The following PRIM2 variants were observed in gnomAD, a reference collection of about 807,000 sequenced individuals.
The protein encoded by PRIM2 is DNA primase subunit 2, also known as DNA primase large subunit.
Under a neutral mutation model 67.3 loss-of-function variants are expected in PRIM2, and 39 were observed. The ratio of observed to expected loss-of-function variants is 0.58; its 90% confidence interval spans 0.45 to 0.76. PRIM2 has a LOEUF of 0.76. PRIM2 is among the 30% of genes least tolerant of loss of function. The pLI is 0.00. For synonymous variants in PRIM2, 143 were observed against 198.7 expected (o/e 0.72, Z 2.36); for missense variants, 398 against 598.7 (o/e 0.66, Z 3.50).
chr6:57,406,125 T>C lies in PRIM2; in HGVS notation c.693+23957T>C, dbSNP rs112011157. ...CTGAGCTGGATTTTGCAAGGCTCTC[T>C]CTTAGATGTAAGCATTCCCTTGACC... On this transcript the variant is annotated intron_variant, in intron 7 of 13. Transcript: ENST00000615550. Among the ~76,000 whole-genome samples the C allele has an allele frequency of 9.7e-3, 1,472 of 152,316 alleles. 21 individuals carry two copies. The highest frequency in any genetic ancestry group is 0.034 in the African/African-American group (1,413 of 41,566).
the PRIM2 span, among the ~76,000 whole-genome samples, chr6:57,288,399 G>T: frequency 6.6e-6 from 1 of 152,180 alleles, no homozygotes; most frequent in Admixed American, 6.5e-5. Context: ...GACAGCTTCC[G>T]AAGACCTAAA....
At chr6:57,332,970 T>C (rs1431030087) in intron 5 of PRIM2, among the ~76,000 whole-genome samples, 1 of 152,174 alleles carries the variant, frequency 6.6e-6, no homozygotes, top group African/African-American at 2.4e-5. Flanking sequence ...CTTCTTTGTA[T>C]TAAAATGGTA....
chr6:57,358,085 C>A (rs1181733225), intron 5 of PRIM2, among the ~76,000 whole-genome samples: 2 of 152,102 alleles, frequency 1.3e-5, no homozygotes, highest in African/African-American at 2.4e-5. Flanking sequence ...ACAGTTGTTC[C>A]CCAGAAGATA....
chr6:57,624,129 C>T (rs1287107674), intron 12 of PRIM2, among the ~76,000 whole-genome samples: 1 of 152,064 alleles, frequency 6.6e-6, no homozygotes, highest in Non-Finnish European at 1.5e-5. Context: ...ATAGAATACT[C>T]AAAGCACAGT....
At chr6:57,552,164 A>G (rs1232119341) in intron 10 of PRIM2, among the ~76,000 whole-genome samples, 10 of 152,230 alleles carry the variant, frequency 6.6e-5, no homozygotes, top group Non-Finnish European at 1.2e-4. Flanking sequence ...GCTGAGGCCA[A>G]CTCCCATTGG....
chr6:57,317,210 G>T (rs1283788530), upstream of PRIM2, among the ~76,000 whole-genome samples: 1 of 152,122 alleles, frequency 6.6e-6, no homozygotes, highest in Non-Finnish European at 1.5e-5. Flanking sequence ...GTGCAAAAAA[G>T]ATCCTAATGC....
the PRIM2 span, among the ~76,000 whole-genome samples, chr6:57,274,750 T>A: frequency 6.6e-6 from 1 of 152,096 alleles, no homozygotes; most frequent in African/African-American, 2.4e-5. Flanking sequence ...GACTGGAGCT[T>A]TTCCTATTCA....
intron 7 of PRIM2, among the ~76,000 whole-genome samples, chr6:57,480,044 T>C (rs1229060189): frequency 1.3e-5 from 2 of 152,104 alleles, no homozygotes; most frequent in Non-Finnish European, 2.9e-5. Flanking sequence ...GGATGGAGTA[T>C]AAAGAGGTAG....
intron 10 of PRIM2, among the ~76,000 whole-genome samples, chr6:57,556,386 A>G (rs1241168794): frequency 6.6e-6 from 1 of 152,190 alleles, no homozygotes; most frequent in East Asian, 1.9e-4. Context: ...TCTGACTTCA[A>G]ACTATACTAC....
chr6:57,570,276 T>C (rs2127481211), intron 10 of PRIM2, among the ~76,000 whole-genome samples: 1 of 152,306 alleles, frequency 6.6e-6, no homozygotes, highest in East Asian at 1.9e-4. Context: ...TTTATATAGG[T>C]CTATAATGAA....
At chr6:57,495,045 TAATC>T (rs1300142229) in intron 7 of PRIM2, among the ~76,000 whole-genome samples, 5 of 152,300 alleles carry the variant, frequency 3.3e-5, no homozygotes, top group African/African-American at 7.2e-5. Context: ...GTTTTATAAT[TAATC>T]ACAAGGCTCT....
chr6:57,523,211 C>T (rs1176093893), intron 8 of PRIM2, among the ~76,000 whole-genome samples: 1 of 152,188 alleles, frequency 6.6e-6, no homozygotes, highest in Non-Finnish European at 1.5e-5. Context: ...GTCCTCACAA[C>T]AACTTTTTGA....
Position 57,584,090 on chromosome 6 carries a change from G to C in PRIM2, c.1021-17003G>C, listed in dbSNP as rs1271133425. Among the ~76,000 whole-genome samples, 241 of 152,108 alleles carry C rather than the reference G, an allele frequency of 1.6e-3. 1 individual carries two copies. Among genetic ancestry groups the C allele is most frequent in the Non-Finnish European group, 3.0e-3 (202 of 68,006 alleles). Reference sequence around the variant, plus strand: ...TTTTCTTTTTGCTAATAACAGTAGTGCATTTGTACTCAATTCCCCATTAGG... The same window carrying C: ...TTTTCTTTTTGCTAATAACAGTAGTCCATTTGTACTCAATTCCCCATTAGG... On this transcript the variant is annotated intron_variant, in intron 10 of 13. Transcript: ENST00000615550.
chr6:57,576,198 A>G lies in PRIM2; in HGVS notation c.1021-24895A>G, dbSNP rs1775962346. On this transcript the variant is annotated intron_variant, in intron 10 of 13. Coordinates refer to ENST00000615550, the MANE Select transcript of PRIM2 (RefSeq NM_000947.5). ...TATACTGTTGATATTTTAATTTTTA[A>G]GTTAAATTCCTATAAATAAATATGA... Among the ~76,000 whole-genome samples the G allele has an allele frequency of 7.2e-5, 11 of 152,274 alleles. No individual in the cohort carries two copies. The South Asian group carries it at 2.1e-3, about 29-fold the overall frequency.
chr6:57,255,991 T>TA, the PRIM2 span, among the ~76,000 whole-genome samples: 18 of 151,258 alleles, frequency 1.2e-4, no homozygotes, highest in Admixed American at 1.2e-3. Context: ...AACAAATTTT[T>TA]AAAAGCAATT....
At chr6:57,478,110 G>A (rs1293076150) in intron 7 of PRIM2, among the ~76,000 whole-genome samples, 1 of 152,210 alleles carries the variant, frequency 6.6e-6, no homozygotes, top group Non-Finnish European at 1.5e-5. Flanking sequence ...CTAAGGCACA[G>A]AAAGGTAAAG....
At chr6:57,425,975 A>G (rs1192439412) in intron 7 of PRIM2, among the ~76,000 whole-genome samples, 1 of 152,178 alleles carries the variant, frequency 6.6e-6, no homozygotes, top group African/African-American at 2.4e-5. Context: ...CTATTTTAAA[A>G]GTTAAGTATA....
At chr6:57,323,014 A>C (rs1296926514) in intron 3 of PRIM2, among the ~76,000 whole-genome samples, 1 of 152,092 alleles carries the variant, frequency 6.6e-6, no homozygotes, top group Non-Finnish European at 1.5e-5. Context: ...TGAACAAGTT[A>C]CATAACTTCT....
the PRIM2 span, among the ~76,000 whole-genome samples, chr6:57,262,526 T>C: frequency 6.6e-6 from 1 of 152,152 alleles, no homozygotes; most frequent in African/African-American, 2.4e-5. Context: ...CAGCTTCTGC[T>C]TGCAGGGCCA....
Sources: gnomAD v4.1 joint callset for allele counts (sites outside exome capture counted in the v4.1 genomes callset) on GRCh38, gnomAD v4.1.1 for gene constraint, MANE v1.5 for transcripts, NCBI Gene and HGNC (gene_info 2026-07-23, HGNC 2026-07-21) for gene names.